The following KCNV1 variants were observed in gnomAD, a reference collection of about 807,000 sequenced individuals.
The protein encoded by KCNV1 is potassium voltage-gated channel modifier subfamily V member 1, also known as potassium voltage-gated channel subfamily V member 1.
In KCNV1, 2 loss-of-function variants were observed where a neutral mutation model predicts 36.4. That is an observed-to-expected ratio of 0.05 (90% CI 0.02 to 0.17). KCNV1 has a LOEUF of 0.17. Ranked by LOEUF, KCNV1 falls within the 10% of genes least tolerant of loss-of-function variation. The pLI is 1.00. For missense variants in KCNV1, 321 were observed against 643.6 expected (o/e 0.50, Z 5.42); for synonymous variants, 280 against 261.1 (o/e 1.07, Z -0.70).
Position 109,969,193 on chromosome 8 carries a change from G to T in KCNV1, c.992-594C>A, listed in dbSNP as rs180700276. 1.9e-3 allele frequency among the ~76,000 whole-genome samples: 290 copies of T among 152,270 alleles called. 3 individuals carry two copies. The highest frequency in any genetic ancestry group is 6.2e-3 in the African/African-American group (256 of 41,550). On this transcript the variant is annotated intron_variant, in intron 3 of 3. Transcript: ENST00000524391. ...AGCAGCAGAAGCAAGTTAGGCATTG[G>T]TGATAAAATTGACATGAGAACATCA...
chr8:109,973,921 G>A lies in KCNV1; in HGVS notation c.461+7C>T. 6.3e-7 allele frequency: 1 copy of A among 1,582,366 alleles called. No individual in the cohort carries two copies. Among genetic ancestry groups the A allele is most frequent in the Non-Finnish European group, 8.6e-7 (1 of 1,162,658 alleles). On this transcript the variant is annotated splice_region_variant and intron_variant, in intron 2 of 3. Coordinates refer to ENST00000524391, the MANE Select transcript of KCNV1 (RefSeq NM_014379.4). ...CCCCGCCCAGCCGCCGCGTGCCTCC[G>A]GGGTACCTGTCCCTGCAGCAGGAAT...
Position 109,965,970 on chromosome 8 carries a change from G to C in KCNV1, c.*2118C>G, listed in dbSNP as rs1485185723. 4 of 152,134 alleles carry C rather than the reference G, an allele frequency of 2.6e-5. No homozygotes were observed. The highest frequency in any genetic ancestry group is 5.9e-5 in the Non-Finnish European group (4 of 68,024). 9.4% of individuals were successfully genotyped at this position (152,134 alleles called of 1,614,324 possible). ...TACCTTTTAATGTTTCAGTTTCGCT[G>C]TCTTTTCCTCACACACCTTTGAACA... On this transcript the variant is annotated 3_prime_UTR_variant, in exon 4 of 4. Coordinates refer to ENST00000524391, the MANE Select transcript of KCNV1 (RefSeq NM_014379.4).
At position 109,974,471 on chromosome 8, in the gene KCNV1, G is replaced by A. The variant is rs530459400; in HGVS notation, c.-83C>T. On this transcript the variant is annotated 5_prime_UTR_variant, in exon 2 of 4. Coordinates refer to ENST00000524391, the MANE Select transcript of KCNV1 (RefSeq NM_014379.4). The surrounding 1 kb of genome is among the most constrained non-coding windows in gnomAD (Gnocchi z 6.2). ...TTTGGTCCCGCGAGGGCGGTGGCAC[G>A]GCCCCTGGTGGCGGCCGGGATTCCC... The A allele has an allele frequency of 1.9e-4, 186 of 994,044 alleles. No individual in the cohort carries two copies. In the Middle Eastern group the frequency reaches 1.9e-3, roughly 10 times the overall value. 61.6% of individuals were successfully genotyped at this position (994,044 alleles called of 1,614,324 possible).
intron 3 of KCNV1, among the ~76,000 whole-genome samples, chr8:109,971,606 G>A (rs907163002): frequency 6.6e-6 from 1 of 151,820 alleles, no homozygotes; most frequent in Non-Finnish European, 1.5e-5. Context: ...AAAACTAAGG[G>A]ATTTCTGTAT....
chr8:109,972,574 A>G lies in KCNV1; in HGVS notation c.675T>C (p.Ile225=). The stretch of plus-strand genomic sequence containing the variant: ...ACTCAGCTGACATCAGGGCCATGTT[A>G]ATGATGGACACCACCACGAAGATAA... The part of the protein sequence containing the change: ...ISIIFVVVSI[I]NMALMSAELS... The change falls in exon 3 of 4, where the codon ATT becomes ATC. Residue 225 remains isoleucine, a synonymous_variant. Transcript: ENST00000524391. The surrounding 1 kb of genome is among the most constrained non-coding windows in gnomAD (Gnocchi z 5.2). The G allele has an allele frequency of 6.2e-7, 1 of 1,614,202 alleles. No homozygotes were observed. The highest frequency in any genetic ancestry group is 8.5e-7 in the Non-Finnish European group (1 of 1,180,034).
In KCNV1 at chr8:109,968,886, G is replaced by A. The variant is rs1398264220; in HGVS notation, c.992-287C>T. Among the ~76,000 whole-genome samples, 1 of 152,164 alleles carries A rather than the reference G, an allele frequency of 6.6e-6. No homozygotes were observed. The highest frequency in any genetic ancestry group is 2.4e-5 in the African/African-American group (1 of 41,442). ...TTGAACTTCTACTATTAAAAAGAAGGCGAGAGGTAAGACTGAAGGCAGGCA... is the reference window on the plus strand; with the variant it reads ...TTGAACTTCTACTATTAAAAAGAAGACGAGAGGTAAGACTGAAGGCAGGCA... On this transcript the variant is annotated intron_variant, in intron 3 of 3. Coordinates refer to ENST00000524391, the MANE Select transcript of KCNV1 (RefSeq NM_014379.4). The surrounding 1 kb of genome is among the most constrained non-coding windows in gnomAD (Gnocchi z 5.3).
chr8:109,972,357 T>C lies in KCNV1; in HGVS notation c.892A>G (p.Ser298Gly), dbSNP rs1361296256. The change falls in exon 3 of 4, where the codon AGC becomes GGC. Residue 298 changes from serine (S) to glycine (G), a missense_variant. By Grantham distance (56) the Ser-to-Gly change is moderately conservative. Transcript: ENST00000524391. This position sits in a 1 kb window ranked among gnomAD's most constrained non-coding sequence, Gnocchi z 5.2. ...ITLLVESLSGSQTTQELENVG... is the reference protein window; with the variant it reads ...ITLLVESLSGGQTTQELENVG... ...TTCTCCAGCTCCTGCGTGGTCTGGC[T>C]CCCACTTAGGCTCTCTACCAGAAGA... The C allele has an allele frequency of 1.9e-6, 3 of 1,614,124 alleles. No homozygotes were observed. Among genetic ancestry groups the C allele is most frequent in the Admixed American group, 3.3e-5 (2 of 59,990 alleles).
In KCNV1 at chr8:109,972,225, G is replaced by C. The variant is rs200841067; in HGVS notation, c.991+33C>G. On this transcript the variant is annotated intron_variant, in intron 3 of 3. Coordinates refer to ENST00000524391, the MANE Select transcript of KCNV1 (RefSeq NM_014379.4). This position sits in a 1 kb window ranked among gnomAD's most constrained non-coding sequence, Gnocchi z 5.2. Reference sequence around the variant, plus strand: ...AAAAAACGAATGCTTACATGCAATGGCAAATTAAAAGGCATCAGTGAAATG... The same window carrying C: ...AAAAAACGAATGCTTACATGCAATGCCAAATTAAAAGGCATCAGTGAAATG... The C allele has an allele frequency of 6.5e-7, 1 of 1,537,768 alleles. No individual in the cohort carries two copies. The highest frequency in any genetic ancestry group is 2.3e-5 in the East Asian group (1 of 44,264).
intron 3 of KCNV1, among the ~76,000 whole-genome samples, chr8:109,969,382 A>G (rs886827718): frequency 6.6e-6 from 1 of 152,178 alleles, no homozygotes; most frequent in African/African-American, 2.4e-5. Context: ...TGAATACAGA[A>G]TATTCCTCCA....
chr8:109,969,447 T>C (rs553864242), intron 3 of KCNV1, among the ~76,000 whole-genome samples: 22 of 152,288 alleles, frequency 1.4e-4, no homozygotes, highest in Non-Finnish European at 2.2e-4. Flanking sequence ...TTATGAAGCA[T>C]TGGCTGCTTT....
intron 3 of KCNV1, among the ~76,000 whole-genome samples, chr8:109,971,532 G>A (rs1587136515): frequency 6.6e-6 from 1 of 152,142 alleles, no homozygotes; most frequent in East Asian, 1.9e-4. Flanking sequence ...GTTTGTGTGT[G>A]TGTTATATGG....
At chr8:109,969,220 A>T (rs1819980780) in intron 3 of KCNV1, among the ~76,000 whole-genome samples, 1 of 152,210 alleles carries the variant, frequency 6.6e-6, no homozygotes, top group Non-Finnish European at 1.5e-5. Context: ...AGAACATCAC[A>T]TGTATATTCA....
Position 109,972,708 on chromosome 8 carries a change from C to T in KCNV1, c.541G>A (p.Glu181Lys). 1.2e-6 allele frequency: 2 copies of T among 1,614,144 alleles called. No individual in the cohort carries two copies. Among genetic ancestry groups the T allele is most frequent in the Non-Finnish European group, 1.7e-6 (2 of 1,179,988 alleles). The change falls in exon 3 of 4, where the codon GAA (glutamate) becomes AAA (lysine). Residue 181 changes from glutamate to lysine, a missense_variant. By Grantham distance (56) the Glu-to-Lys change is moderately conservative (BLOSUM62 1). This residue lies in a region of KCNV1 where 141 missense variants were observed against 225.0 expected (regional missense o/e 0.63). Transcript: ENST00000524391. The surrounding 1 kb of genome is among the most constrained non-coding windows in gnomAD (Gnocchi z 5.2). ...TEDQESQHES[E>K]QDFSQGPCPT... ...CAAGGTCCTTGGGAGAAGTCCTGTTCACTCTCATGTTGACTTTCCTGGTCT... is the reference window on the plus strand; with the variant it reads ...CAAGGTCCTTGGGAGAAGTCCTGTTTACTCTCATGTTGACTTTCCTGGTCT...
rs1230217773 is a variant in KCNV1 at position 109,967,312 on chromosome 8, TAAAG to T, written c.*772_*775del. 6.6e-6 allele frequency: 1 copy of T among 152,228 alleles called. No individual in the cohort carries two copies. The highest frequency in any genetic ancestry group is 2.4e-5 in the African/African-American group (1 of 41,472). 9.4% of individuals were successfully genotyped at this position (152,228 alleles called of 1,614,324 possible). A position where few individuals can be genotyped will look rare whatever the true frequency, so the allele number is the denominator to read the frequency against. ...AGCCATAATGTGAACAATACATCCA[TAAAG>T]AGACATTTAAAGACCATCTGATATT... On this transcript the variant is annotated 3_prime_UTR_variant, in exon 4 of 4. Coordinates refer to ENST00000524391, the MANE Select transcript of KCNV1 (RefSeq NM_014379.4).
intron 3 of KCNV1, among the ~76,000 whole-genome samples, chr8:109,971,712 A>G (rs1457623109): frequency 1.3e-5 from 2 of 151,812 alleles, no homozygotes; most frequent in African/African-American, 4.8e-5. Flanking sequence ...CCAAAGCAAA[A>G]TATTTTCATT....
chr8:109,972,846 ATAAT>A lies in KCNV1; in HGVS notation c.462-63_462-60del, dbSNP rs1324043171. The A allele has an allele frequency of 5.3e-6, 7 of 1,328,256 alleles. No individual in the cohort carries two copies. Among genetic ancestry groups the A allele is most frequent in the Non-Finnish European group, 7.2e-6 (7 of 974,912 alleles). 82.3% of individuals were successfully genotyped at this position (1,328,256 alleles called of 1,614,324 possible). ...CTTTATTAAAATACAGAAGTATAAGATAATTAAACATGGCAGGGAGGTCAGACTT... is the reference window on the plus strand; with the variant it reads ...CTTTATTAAAATACAGAAGTATAAGATAAACATGGCAGGGAGGTCAGACTT... On this transcript the variant is annotated intron_variant, in intron 2 of 3. Transcript: ENST00000524391. This position sits in a 1 kb window ranked among gnomAD's most constrained non-coding sequence, Gnocchi z 5.2.
chr8:109,967,896 A>G lies in KCNV1; in HGVS notation c.*192T>C, dbSNP rs979973494. 9.1e-6 allele frequency: 5 copies of G among 547,798 alleles called. No individual in the cohort carries two copies. The highest frequency in any genetic ancestry group is 5.6e-5 in the African/African-American group (3 of 53,388). 33.9% of individuals were successfully genotyped at this position (547,798 alleles called of 1,614,324 possible). A position where few individuals can be genotyped will look rare whatever the true frequency, so the allele number is the denominator to read the frequency against. ...TTAATTGGCTATTTTGGACACTCAA[A>G]TGTGTCAGAACACTGTGCAGTTGTT... On this transcript the variant is annotated 3_prime_UTR_variant, in exon 4 of 4. Coordinates refer to ENST00000524391, the MANE Select transcript of KCNV1 (RefSeq NM_014379.4).
In KCNV1 at chr8:109,974,242, G is replaced by A; in HGVS notation, c.147C>T (p.Arg49=). 1 of 1,562,836 alleles carries A rather than the reference G, an allele frequency of 6.4e-7. No homozygotes were observed. The highest frequency in any genetic ancestry group is 8.7e-7 in the Non-Finnish European group (1 of 1,155,146). The stretch of plus-strand genomic sequence containing the variant: ...ACAGCGCCTGCTGCGAGAGCACGAA[G>A]CGGCTGCCGCCCACGTTGACCGTGA... The part of the protein sequence containing the change: ...DCFTVNVGGS[R]FVLSQQALSC... Residue 49 remains arginine (R), a synonymous_variant, in exon 2 of 4, where the codon CGC becomes CGT. Transcript: ENST00000524391. The surrounding 1 kb of genome is among the most constrained non-coding windows in gnomAD (Gnocchi z 6.2).
At chr8:109,969,959 C>A (rs570527439) in intron 3 of KCNV1, among the ~76,000 whole-genome samples, 2 of 152,032 alleles carry the variant, frequency 1.3e-5, no homozygotes, top group South Asian at 4.2e-4. Flanking sequence ...AAAGTTTGTC[C>A]ACATTTTGAA....
Sources: gnomAD v4.1 joint callset for allele counts (sites outside exome capture counted in the v4.1 genomes callset) on GRCh38, gnomAD v4.1.1 for gene constraint, gnomAD v4.1.1 regional missense constraint, Gnocchi (gnomAD v3.1) non-coding constraint, MANE v1.5 for transcripts, NCBI Gene and HGNC (gene_info 2026-07-23, HGNC 2026-07-21) for gene names.